Variants in POLR1C observed in about 807,000 individuals in gnomAD.
The protein encoded by POLR1C is DNA-directed RNA polymerases I and III subunit RPAC1.
Under a neutral mutation model 38.3 loss-of-function variants are expected in POLR1C, and 42 were observed. The observed-to-expected ratio is 1.10, with a 90% CI of 0.86 to 1.42. The LOEUF (loss-of-function observed/expected upper bound fraction) is 1.42. POLR1C is among the 40% of genes most tolerant of loss of function. The pLI, the probability that POLR1C is intolerant of heterozygous loss-of-function variation, is 0.00. For synonymous variants in POLR1C, 163 were observed against 163.9 expected, an observed-to-expected ratio of 0.99 and a Z score of 0.04; for missense variants, 507 against 450.5, an observed-to-expected ratio of 1.13 and a Z score of -1.14.
At chr6:43,560,270 C>A in intron 10 of POLR1C, 1 of 1,611,650 alleles carries the variant, frequency 6.2e-7, no homozygotes. Context: ...CTGAAGAGGG[C>A]TCCCCAAGTC....
downstream of POLR1C, chr6:43,524,964 AGCACCTGG>A (rs755790602): frequency 3.1e-6 from 5 of 1,613,190 alleles, no homozygotes; most frequent in Admixed American, 8.3e-5. Context: ...TGTCCCTGAC[AGCACCTGG>A]GGAGACAACT....
chr6:43,557,350 C>T (rs1762151504), intron 10 of POLR1C, among the ~76,000 whole-genome samples: 2 of 141,566 alleles, frequency 1.4e-5, no homozygotes, highest in South Asian at 2.3e-4. Flanking sequence ...CGCTTGAATC[C>T]GGGAGGCAGA....
intron 9 of POLR1C, among the ~76,000 whole-genome samples, chr6:43,544,422 A>T (rs908346164): frequency 6.6e-5 from 10 of 152,168 alleles, no homozygotes; most frequent in South Asian, 6.2e-4. Context: ...ATACTTTTTT[A>T]AAAAAAGAAA....
At chr6:43,522,395 CA>C (rs1318658718), downstream of POLR1C, 2 of 159,802 alleles carry the variant, frequency 1.3e-5, no homozygotes, top group East Asian at 1.8e-4. Context: ...AATGTTTCTA[CA>C]AAAAGTTTCT....
chr6:43,535,353 GCC>G (rs892246941), intron 9 of POLR1C, among the ~76,000 whole-genome samples: 1 of 152,094 alleles, frequency 6.6e-6, no homozygotes, highest in Non-Finnish European at 1.5e-5. Context: ...ACTTTGGGAG[GCC>G]GAGGTGGGTG....
At chr6:43,539,814 T>G in intron 9 of POLR1C, 1 of 540,984 alleles carries the variant, frequency 1.8e-6, no homozygotes, top group Non-Finnish European at 3.2e-6. Flanking sequence ...TGTAAAATCA[T>G]TTAGGCCTGG....
rs1793605412 is a variant in POLR1C, at chr6:43,526,568, A to G, written c.923-2681A>G. 7.7e-6 allele frequency: 9 copies of G among 1,166,690 alleles called. No homozygotes were observed. The South Asian group carries it at 8.0e-5, about 10-fold the overall frequency. 72.3% of individuals were successfully genotyped at this position (1,166,690 alleles called of 1,614,324 possible). ...CAGCAAGAGGGCTGGTCCAGAGATG[A>G]TAACTACATGTAGGGTGTCTTCTCC... On this transcript the variant is annotated intron_variant, in intron 8 of 8. Transcript: ENST00000304004.
At chr6:43,539,332 G>T (rs909226496) in intron 9 of POLR1C, 1 of 1,578,816 alleles carries the variant, frequency 6.3e-7, no homozygotes, top group African/African-American at 1.3e-5. Flanking sequence ...CAAACGCCTT[G>T]AACCTGGTGC....
chr6:43,528,094 C>T, intron 8 of POLR1C: 1 of 1,506,828 alleles, frequency 6.6e-7, no homozygotes, highest in Non-Finnish European at 9.0e-7. Context: ...CTGCCCGCTT[C>T]CTTTTCCCAC....
intron 9 of POLR1C, among the ~76,000 whole-genome samples, chr6:43,537,220 C>T (rs1352901754): frequency 6.6e-6 from 1 of 151,284 alleles, no homozygotes; most frequent in Non-Finnish European, 1.5e-5. Flanking sequence ...GATCCTCCTG[C>T]CCTGGCCTCC....
At chr6:43,546,587 A>T (rs748594652) in intron 9 of POLR1C, 1 of 1,609,620 alleles carries the variant, frequency 6.2e-7, no homozygotes, top group African/African-American at 1.3e-5. Context: ...AGCGCAAGCA[A>T]ATTGTCAAGA....
At chr6:43,525,468 G>T, downstream of POLR1C, 1 of 512,076 alleles carries the variant, frequency 2.0e-6, no homozygotes, top group Non-Finnish European at 3.4e-6. Context: ...AGCTAAGCAG[G>T]AAAAATAAAA....
At chr6:43,545,311 A>G (rs1040323292) in intron 9 of POLR1C, among the ~76,000 whole-genome samples, 3 of 152,164 alleles carry the variant, frequency 2.0e-5, no homozygotes, top group Admixed American at 6.5e-5. Flanking sequence ...GGAGAGTTTC[A>G]CTGCGACATG....
At chr6:43,538,352 T>C (rs914044244) in intron 9 of POLR1C, among the ~76,000 whole-genome samples, 32 of 151,844 alleles carry the variant, frequency 2.1e-4, no homozygotes, top group African/African-American at 7.3e-4. Flanking sequence ...GGTTTTGTCA[T>C]GTTGGCCAGG....
chr6:43,530,806 C>T (rs1793918158), downstream of POLR1C: 1 of 1,612,092 alleles, frequency 6.2e-7, no homozygotes, highest in East Asian at 2.2e-5. Context: ...AAGGGCCTGC[C>T]TTCCCTAGGA....
intron 2 of POLR1C, 107 bp from the exon 3 acceptor site, chr6:43,519,226 T>C: frequency 1.3e-6 from 1 of 742,152 alleles, no homozygotes; most frequent in East Asian, 2.7e-5. Context: ...CAAAGGGAGG[T>C]TTTTGGATGA....
Position 43,520,962 on chromosome 6 carries a change from G to C in POLR1C, c.836G>C (p.Arg279Pro), listed in dbSNP as rs191582628. The C allele has an allele frequency of 6.2e-7, 1 of 1,614,040 alleles. No individual in the cohort carries two copies. Among genetic ancestry groups the C allele is most frequent in the Non-Finnish European group, 8.5e-7 (1 of 1,180,026 alleles). ...AAGGTGGCCAGAGTTGCCAACCCCC[G>C]GCTGGATACCTTCAGCAGAGAAATC... ...GKKVARVANPRLDTFSREIFR... is the reference protein window; with the variant it reads ...GKKVARVANPPLDTFSREIFR... The change falls in exon 8 of 9, where the codon CGG becomes CCG. Residue 279 changes from arginine to proline, a missense_variant. Transcript: ENST00000642195.
chr6:43,524,723 G>T (rs1389984718), downstream of POLR1C: 2 of 1,586,006 alleles, frequency 1.3e-6, no homozygotes, highest in Non-Finnish European at 1.7e-6. Context: ...CTCAGAGATT[G>T]CACCAGCAAT....
chr6:43,554,719 G>A (rs1467411555), intron 10 of POLR1C, among the ~76,000 whole-genome samples: 1 of 152,034 alleles, frequency 6.6e-6, no homozygotes, highest in Non-Finnish European at 1.5e-5. Context: ...CACCCTGCCT[G>A]GCCTAAGATT....
Sources: gnomAD v4.1 joint callset for allele counts (sites outside exome capture counted in the v4.1 genomes callset) on GRCh38, gnomAD v4.1.1 for gene constraint, MANE v1.5 for transcripts, NCBI Gene and HGNC (gene_info 2026-07-23, HGNC 2026-07-21) for gene names.